PCDHGA5: variants seen among roughly 807,000 people sequenced by gnomAD.
PCDHGA5 encodes the protein protocadherin gamma subfamily A, 5.
A neutral mutation model predicts 56.7 loss-of-function variants in PCDHGA5; 36 were observed. The ratio of observed to expected loss-of-function variants is 0.64; its 90% CI spans 0.49 to 0.84. The LOEUF is 0.84. Ranked by LOEUF, PCDHGA5 falls within the 40% of genes least tolerant of loss-of-function variation. PCDHGA5 has a pLI of 0.00. For missense variants in PCDHGA5, 1,305 were observed against 1,201.5 expected, an observed-to-expected ratio of 1.09 and a Z score of -1.27; for synonymous variants, 563 against 520.2, an observed-to-expected ratio of 1.08 and a Z score of -1.12.
intron 1 of PCDHGA5, chr5:141,403,588 C>CGGTG (rs773103981): frequency 1.2e-6 from 2 of 1,613,904 alleles, no homozygotes; most frequent in East Asian, 2.2e-5. Flanking sequence ...ACCTGGTCCT[C>CGGTG]ACGGCCTCGG....
chr5:141,478,399 T>C, intron 1 of PCDHGA5: 1 of 1,613,514 alleles, frequency 6.2e-7, no homozygotes, highest in South Asian at 1.1e-5. Flanking sequence ...ATCAGGTGTA[T>C]CTCACCACGG....
intron 1 of PCDHGA5, chr5:141,423,216 G>A (rs376530221): frequency 1.2e-6 from 2 of 1,613,632 alleles, no homozygotes; most frequent in African/African-American, 2.7e-5. Flanking sequence ...CGCTCACCGT[G>A]GCTGTGGCCG....
chr5:141,389,491 G>C, intron 1 of PCDHGA5: 1 of 1,612,994 alleles, frequency 6.2e-7, no homozygotes, highest in Non-Finnish European at 8.5e-7. Context: ...CGCGACCAGG[G>C]CTCGCCAGCG....
chr5:141,386,595 AT>A (rs373179212), intron 1 of PCDHGA5, among the ~76,000 whole-genome samples: 3,552 of 145,572 alleles, frequency 0.024, 119 homozygotes, highest in African/African-American at 0.079. Flanking sequence ...TGGGGGATAC[AT>A]TTTTTTTTTT....
At chr5:141,470,383 G>A (rs569789033) in intron 1 of PCDHGA5, among the ~76,000 whole-genome samples, 7 of 152,246 alleles carry the variant, frequency 4.6e-5, no homozygotes, top group South Asian at 2.1e-4. Context: ...AAGACTACTC[G>A]ATGATATTTA....
At chr5:141,414,310 G>A in intron 1 of PCDHGA5, 1 of 1,613,722 alleles carries the variant, frequency 6.2e-7, no homozygotes, top group South Asian at 1.1e-5. Context: ...GCATGATTTA[G>A]ACTCTGAGCA....
chr5:141,409,591 G>A (rs72790040), intron 1 of PCDHGA5: 42,493 of 1,613,766 alleles, frequency 0.026, 744 homozygotes, highest in East Asian at 0.041. Context: ...ACGTGGCCGA[G>A]AACAACCCGC....
At position 141,430,860 on chromosome 5, in the gene PCDHGA5, C is replaced by G. The variant is rs773955533; in HGVS notation, c.2422-63947C>G. ...ACCGGATGCACCCAGATACGCTATTCAGTTCCGGAAGAGCTGGAGAAAGGC... is the reference window on the plus strand; with the variant it reads ...ACCGGATGCACCCAGATACGCTATTGAGTTCCGGAAGAGCTGGAGAAAGGC... On this transcript the variant is annotated intron_variant, in intron 1 of 3. Transcript: ENST00000518069. 4 of 1,592,382 alleles carry G rather than the reference C, an allele frequency of 2.5e-6. No individual in the cohort carries two copies. In the South Asian group the frequency reaches 4.6e-5, roughly 18 times the overall value.
At chr5:141,371,049 G>A (rs1334799449) in intron 1 of PCDHGA5, 11 of 1,613,826 alleles carry the variant, frequency 6.8e-6, no homozygotes, top group Non-Finnish European at 8.5e-6. Flanking sequence ...GGATGGGGGC[G>A]AGCCCTCCAG....
rs765819865 is a variant in PCDHGA5, at chr5:141,394,837, TG to T, written c.2421+28089del. ...AGCATCCCCGAAGTCCTGACCGAGT[TG>T]GGCAGTCTGAAGCCTTCGGTCGACC... On this transcript the variant is annotated intron_variant, in intron 1 of 3. Transcript: ENST00000518069. The T allele has an allele frequency of 1.9e-6, 3 of 1,613,824 alleles. No homozygotes were observed. The South Asian group carries it at 3.3e-5, about 18-fold the overall frequency.
intron 1 of PCDHGA5, among the ~76,000 whole-genome samples, chr5:141,464,300 A>G (rs1349155102): frequency 2.0e-5 from 3 of 149,898 alleles, no homozygotes; most frequent in East Asian, 1.9e-4. Context: ...ACTCCATTGT[A>G]TGTGCACATA....
In PCDHGA5 at chr5:141,476,575, C is replaced by A; in HGVS notation, c.2422-18232C>A. 6 of 1,614,232 alleles carry A rather than the reference C, an allele frequency of 3.7e-6. No homozygotes were observed. The highest frequency in any genetic ancestry group is 5.1e-6 in the Non-Finnish European group (6 of 1,180,042). The stretch of plus-strand genomic sequence containing the variant: ...GCGAGGCCGTGGCTCCGGGGACGCG[C>A]TTTCCGCTCGAGAGCGCGCACGATC... On this transcript the variant is annotated intron_variant, in intron 1 of 3. Transcript: ENST00000518069. This position sits in a 1 kb window ranked among gnomAD's most constrained non-coding sequence, Gnocchi z 7.6.
intron 1 of PCDHGA5, among the ~76,000 whole-genome samples, chr5:141,483,208 G>A (rs1195144442): frequency 6.6e-6 from 1 of 152,196 alleles, no homozygotes; most frequent in East Asian, 1.9e-4. Context: ...ATTCCATATA[G>A]ATGACAGTCA....
chr5:141,509,115 G>C (rs1480955058), intron 3 of PCDHGA5, among the ~76,000 whole-genome samples: 1 of 152,186 alleles, frequency 6.6e-6, no homozygotes, highest in Non-Finnish European at 1.5e-5. Flanking sequence ...GAGCGCTGGT[G>C]CGTGAAGAGA....
At chr5:141,399,063 A>C in intron 1 of PCDHGA5, 1 of 1,613,714 alleles carries the variant, frequency 6.2e-7, no homozygotes. Flanking sequence ...AGGAATATTC[A>C]ATGGTTGTAG....
At chr5:141,375,688 C>T in intron 1 of PCDHGA5, 1 of 1,614,256 alleles carries the variant, frequency 6.2e-7, no homozygotes, top group Non-Finnish European at 8.5e-7. Context: ...TGACAGCCAG[C>T]GACAGCGGGG....
At chr5:141,430,641 T>C (rs1332550435) in intron 1 of PCDHGA5, 2 of 902,672 alleles carry the variant, frequency 2.2e-6, no homozygotes, top group East Asian at 5.4e-5. Flanking sequence ...TCCCTGGGAG[T>C]ATGTGGAAAC....
At position 141,432,871 on chromosome 5, in the gene PCDHGA5, C is replaced by T. The variant is rs1190891661; in HGVS notation, c.2422-61936C>T. On this transcript the variant is annotated intron_variant, in intron 1 of 3. Transcript: ENST00000518069. This position sits in a 1 kb window ranked among gnomAD's most constrained non-coding sequence, Gnocchi z 6.0. ...CGGTGGCCGCGGTCTCCTGCGTCTT[C>T]CTGGCCTTCGTCATCTTGCTGCTGG... 1 of 1,614,216 alleles carries T rather than the reference C, an allele frequency of 6.2e-7. No homozygotes were observed. Among genetic ancestry groups the T allele is most frequent in the Non-Finnish European group, 8.5e-7 (1 of 1,180,018 alleles).
chr5:141,458,594 G>A (rs1226490392), intron 1 of PCDHGA5, among the ~76,000 whole-genome samples: 2 of 151,612 alleles, frequency 1.3e-5, no homozygotes, highest in South Asian at 2.1e-4. Flanking sequence ...TTTTGGAGAC[G>A]AGTCTCACTC....
Sources: gnomAD v4.1 joint callset for allele counts (sites outside exome capture counted in the v4.1 genomes callset) on GRCh38, gnomAD v4.1.1 for gene constraint, Gnocchi (gnomAD v3.1) non-coding constraint, MANE v1.5 for transcripts, NCBI Gene and HGNC (gene_info 2026-07-23, HGNC 2026-07-21) for gene names.